Variants in AUTS2 observed in about 807,000 individuals in gnomAD.
AUTS2 encodes the protein activator of transcription and developmental regulator AUTS2, also known as autism susceptibility gene 2 protein.
In AUTS2, 17 loss-of-function variants were observed where a neutral mutation model predicts 112.4. The observed-to-expected ratio is 0.15, with a 90% confidence interval of 0.10 to 0.23. The LOEUF (loss-of-function observed/expected upper bound fraction) is 0.23. Ranked by LOEUF, AUTS2 falls within the 10% of genes least tolerant of loss-of-function variation. AUTS2 has a pLI of 1.00. For missense variants in AUTS2, 1,510 were observed against 1,701.6 expected (o/e 0.89, Z 1.98); for synonymous variants, 751 against 702.7 (o/e 1.07, Z -1.09).
intron 5 of AUTS2, among the ~76,000 whole-genome samples, chr7:70,681,290 G>A (rs889024011): frequency 2.0e-5 from 3 of 152,156 alleles, no homozygotes; most frequent in African/African-American, 7.2e-5. Context: ...CTGTTGTTGA[G>A]GGAGGAGTAG....
intron 4 of AUTS2, among the ~76,000 whole-genome samples, chr7:70,138,555 A>G (rs1806689710): frequency 6.6e-6 from 1 of 152,220 alleles, no homozygotes; most frequent in Non-Finnish European, 1.5e-5. Context: ...AGCCTCAAAT[A>G]GCTTGTATCC....
chr7:69,936,105 C>A (rs908900445), intron 2 of AUTS2, among the ~76,000 whole-genome samples: 1 of 152,168 alleles, frequency 6.6e-6, no homozygotes, highest in Non-Finnish European at 1.5e-5. Flanking sequence ...TGGGATTGAG[C>A]CTTTGTGGAA....
intron 5 of AUTS2, among the ~76,000 whole-genome samples, chr7:70,479,770 G>T (rs1235983968): frequency 6.6e-6 from 1 of 152,126 alleles, no homozygotes; most frequent in Non-Finnish European, 1.5e-5. Flanking sequence ...AACAAAGATG[G>T]GGGTTTGAGT....
chr7:69,905,816 C>T (rs1410381345), intron 2 of AUTS2, among the ~76,000 whole-genome samples: 2 of 152,108 alleles, frequency 1.3e-5, no homozygotes, highest in Non-Finnish European at 2.9e-5. Flanking sequence ...ACTACCACCT[C>T]ATAAAATAAA....
intron 2 of AUTS2, among the ~76,000 whole-genome samples, chr7:69,944,613 C>G (rs1796742086): frequency 6.6e-6 from 1 of 152,166 alleles, no homozygotes; most frequent in Admixed American, 6.5e-5. Context: ...ACTGAATGGT[C>G]AGCAACTTTG....
chr7:70,288,878 T>C (rs1301037748), intron 4 of AUTS2, among the ~76,000 whole-genome samples: 1 of 152,124 alleles, frequency 6.6e-6, no homozygotes, highest in Non-Finnish European at 1.5e-5. Context: ...ATTGTGCAAA[T>C]GGGACTCACT....
intron 6 of AUTS2, among the ~76,000 whole-genome samples, chr7:70,700,786 G>A (rs1809413066): frequency 6.6e-6 from 1 of 152,166 alleles, no homozygotes; most frequent in African/African-American, 2.4e-5. Context: ...TTTTACTCCG[G>A]GTAGTGGCAG....
intron 2 of AUTS2, among the ~76,000 whole-genome samples, chr7:69,940,261 C>T (rs964998377): frequency 6.6e-6 from 1 of 152,148 alleles, no homozygotes; most frequent in Non-Finnish European, 1.5e-5. Flanking sequence ...GACAAATCCT[C>T]TGAAGTATGG....
At chr7:70,540,697 C>G (rs1332334840) in intron 5 of AUTS2, among the ~76,000 whole-genome samples, 1 of 152,182 alleles carries the variant, frequency 6.6e-6, no homozygotes, top group Non-Finnish European at 1.5e-5. Context: ...TCTGAGGATG[C>G]AGCTACATCT....
intron 4 of AUTS2, among the ~76,000 whole-genome samples, chr7:70,261,043 G>A (rs529663073): frequency 7.2e-5 from 11 of 151,852 alleles, no homozygotes; most frequent in Admixed American, 2.0e-4. Context: ...CACCGCGCCC[G>A]GCCAACCTGT....
chr7:70,165,907 T>C (rs1051280944), intron 4 of AUTS2, among the ~76,000 whole-genome samples: 13 of 152,286 alleles, frequency 8.5e-5, no homozygotes, highest in African/African-American at 2.9e-4. Flanking sequence ...AGGAAGGGCC[T>C]GGTGGGAGGT....
At chr7:69,931,698 T>C (rs1349637577) in intron 2 of AUTS2, among the ~76,000 whole-genome samples, 3 of 152,206 alleles carry the variant, frequency 2.0e-5, no homozygotes, top group African/African-American at 7.2e-5. Flanking sequence ...TCACCTTCTC[T>C]GATCCTGCCT....
At chr7:69,682,037 TGA>T (rs1796822405) in intron 1 of AUTS2, among the ~76,000 whole-genome samples, 1 of 152,218 alleles carries the variant, frequency 6.6e-6, no homozygotes, top group African/African-American at 2.4e-5. Flanking sequence ...GAGACTTAGG[TGA>T]GTTAATGCCT....
chr7:69,914,743 T>C (rs760777887), intron 2 of AUTS2, among the ~76,000 whole-genome samples: 1 of 151,842 alleles, frequency 6.6e-6, no homozygotes, highest in Non-Finnish European at 1.5e-5. Flanking sequence ...CACTGAGTAC[T>C]CTTTTATATG....
chr7:70,148,167 A>G (rs1485324630), intron 4 of AUTS2, among the ~76,000 whole-genome samples: 1 of 152,128 alleles, frequency 6.6e-6, no homozygotes, highest in Non-Finnish European at 1.5e-5. Context: ...CTTGGTAAAT[A>G]GGAAGGCCAA....
chr7:69,870,767 T>C (rs753998518), intron 1 of AUTS2, among the ~76,000 whole-genome samples: 4 of 152,064 alleles, frequency 2.6e-5, no homozygotes, highest in Non-Finnish European at 5.9e-5. Flanking sequence ...TTAAAGGTGG[T>C]AAAATATAAA....
chr7:70,046,848 A>G (rs1046387385), intron 2 of AUTS2, among the ~76,000 whole-genome samples: 6 of 152,160 alleles, frequency 3.9e-5, no homozygotes, highest in African/African-American at 1.4e-4. Context: ...CTTGTGTCCA[A>G]GAGTGGTGGT....
chr7:70,118,405 T>C (rs1805501662), intron 3 of AUTS2, 172 bp downstream of exon 3: 2 of 768,300 alleles, frequency 2.6e-6, no homozygotes, highest in African/African-American at 3.6e-5. Context: ...AGCATTGTAG[T>C]TATGGTGTCA....
chr7:70,741,567 TG>T (rs756318124), intron 6 of AUTS2, among the ~76,000 whole-genome samples: 2 of 151,920 alleles, frequency 1.3e-5, no homozygotes, highest in Non-Finnish European at 2.9e-5. Flanking sequence ...GGCACATGCC[TG>T]TAATCCCAGC....
Sources: gnomAD v4.1 joint callset for allele counts (sites outside exome capture counted in the v4.1 genomes callset) on GRCh38, gnomAD v4.1.1 for gene constraint, MANE v1.5 for transcripts, NCBI Gene and HGNC (gene_info 2026-07-23, HGNC 2026-07-21) for gene names.